The following SLCO3A1 variants were observed in gnomAD, a reference collection of about 807,000 sequenced individuals.
SLCO3A1 encodes PGE1 transporter.
Under a neutral mutation model 63.1 loss-of-function variants are expected in SLCO3A1, and 27 were observed. The observed-to-expected ratio is 0.43, with a 90% confidence interval of 0.32 to 0.59. The LOEUF (loss-of-function observed/expected upper bound fraction) is 0.59, where lower values mean the gene tolerates loss of function less well. Among genes scored for constraint, SLCO3A1 ranks in the 20% least tolerant of loss-of-function variants. The pLI, the probability that SLCO3A1 is intolerant of heterozygous loss-of-function variation, is 0.09. For synonymous variants in SLCO3A1, 473 were observed against 409.9 expected, an observed-to-expected ratio of 1.15 and a Z score of -1.86; for missense variants, 773 against 945.8, an observed-to-expected ratio of 0.82 and a Z score of 2.40.
intron 4 of SLCO3A1, among the ~76,000 whole-genome samples, chr15:92,115,919 T>C (rs1427935281): frequency 6.6e-6 from 1 of 151,850 alleles, no homozygotes; most frequent in East Asian, 1.9e-4. Flanking sequence ...TTATTGCTAT[T>C]ACTATCATTA....
intron 1 of SLCO3A1, among the ~76,000 whole-genome samples, chr15:91,888,149 G>T (rs978095654): frequency 6.6e-6 from 1 of 152,138 alleles, no homozygotes; most frequent in Non-Finnish European, 1.5e-5. Context: ...AATACTCCCC[G>T]CCCTCTCACT....
chr15:91,906,324 A>G (rs956035531), intron 1 of SLCO3A1, among the ~76,000 whole-genome samples: 1 of 152,142 alleles, frequency 6.6e-6, no homozygotes, highest in African/African-American at 2.4e-5. Flanking sequence ...ATTCCGGTAG[A>G]GAGAAACTTT....
intron 2 of SLCO3A1, among the ~76,000 whole-genome samples, chr15:92,042,521 G>A (rs1461135566): frequency 3.3e-5 from 5 of 152,078 alleles, no homozygotes; most frequent in Admixed American, 1.3e-4. Flanking sequence ...GCCCTACACC[G>A]GGCACTGGGA....
chr15:92,086,055 A>G (rs1428772261), intron 2 of SLCO3A1, among the ~76,000 whole-genome samples: 1 of 152,164 alleles, frequency 6.6e-6, no homozygotes, highest in East Asian at 1.9e-4. Context: ...GATAGTTTCC[A>G]GTTGGGAAAT....
intron 2 of SLCO3A1, among the ~76,000 whole-genome samples, chr15:92,069,097 C>A (rs4628941): frequency 8.0e-4 from 2 of 2,486 alleles, no homozygotes; most frequent in African/African-American, 2.0e-3. Context: ...GCTCCCCCCG[C>A]CCCCCCCCCG....
chr15:92,036,844 T>C (rs2046733950), intron 2 of SLCO3A1, among the ~76,000 whole-genome samples: 1 of 152,200 alleles, frequency 6.6e-6, no homozygotes, highest in Admixed American at 6.5e-5. Flanking sequence ...ATGTGACCTC[T>C]GTGAAGACAA....
rs147358832 is a variant in SLCO3A1, at chr15:91,982,608, C to T, written c.646+66150C>T. On this transcript the variant is annotated intron_variant, in intron 2 of 9. Transcript: ENST00000318445. ...GGCTTGAAGTTCTGTGCCCTTGCCA[C>T]GGGCTCCCTCTATAGAGTTTCTGAG... 6.9e-4 allele frequency among the ~76,000 whole-genome samples: 105 copies of T among 152,334 alleles called. No individual in the cohort carries two copies. The Middle Eastern group carries it at 0.01, about 15-fold the overall frequency.
rs1277142630 is a variant in SLCO3A1, at chr15:91,954,229, A to T, written c.646+37771A>T. ...GGGGTTTCTGAACCACGCACTGAGA[A>T]TTCCATTGGATTAGAAGCTGTGCGG... On this transcript the variant is annotated intron_variant, in intron 2 of 9. Transcript: ENST00000318445. This position sits in a 1 kb window ranked among gnomAD's most constrained non-coding sequence, Gnocchi z 4.7. Among the ~76,000 whole-genome samples, 1 of 152,156 alleles carries T rather than the reference A, an allele frequency of 6.6e-6. No individual in the cohort carries two copies. The highest frequency in any genetic ancestry group is 1.9e-4 in the East Asian group (1 of 5,182).
chr15:91,902,307 C>A (rs1362602649), intron 1 of SLCO3A1, among the ~76,000 whole-genome samples: 1 of 152,008 alleles, frequency 6.6e-6, no homozygotes, highest in Non-Finnish European at 1.5e-5. Flanking sequence ...AGTGATTCTC[C>A]CACCCCAGCC....
At position 91,855,630 on chromosome 15, in the gene SLCO3A1, G is replaced by A. The variant is rs550316906; in HGVS notation, c.180+1542G>A. 2.6e-5 allele frequency among the ~76,000 whole-genome samples: 4 copies of A among 152,238 alleles called. No individual in the cohort carries two copies. The South Asian group carries it at 8.3e-4, about 32-fold the overall frequency. On this transcript the variant is annotated intron_variant, in intron 1 of 9. Transcript: ENST00000318445. ...ACCTATTAGCCCTTGGAATTTGAGGGATAGGGGATAATTGTGTTTTGGGAG... is the reference window on the plus strand; with the variant it reads ...ACCTATTAGCCCTTGGAATTTGAGGAATAGGGGATAATTGTGTTTTGGGAG...
chr15:92,065,523 A>T (rs1297904255), intron 2 of SLCO3A1, among the ~76,000 whole-genome samples: 2 of 152,186 alleles, frequency 1.3e-5, no homozygotes, highest in Non-Finnish European at 2.9e-5. Context: ...ATGAATGGAG[A>T]CAAACTGGAG....
intron 2 of SLCO3A1, among the ~76,000 whole-genome samples, chr15:92,009,385 G>A (rs183855354): frequency 2.0e-5 from 3 of 152,308 alleles, no homozygotes; most frequent in African/African-American, 4.8e-5. Context: ...AGCCTGGTTA[G>A]GTGACTCAGG....
In SLCO3A1 at chr15:92,115,341, C is replaced by G. The variant is rs79693102; in HGVS notation, c.1010-5124C>G. Among the ~76,000 whole-genome samples, 1,241 of 152,048 alleles carry G rather than the reference C, an allele frequency of 8.2e-3. 20 individuals are homozygous for G. Among genetic ancestry groups the G allele is most frequent in the African/African-American group, 0.028 (1,181 of 41,472 alleles). On this transcript the variant is annotated intron_variant, in intron 4 of 9. Transcript: ENST00000318445. ...CATGGCTATGGCTGCCCCACTTCAC[C>G]TTCTTTCCCTTCTCTGCTAGCTCAC... is the stretch of plus-strand genomic sequence containing the variant.
intron 2 of SLCO3A1, among the ~76,000 whole-genome samples, chr15:92,053,527 T>C (rs12708590): frequency 0.76 from 116,205 of 151,952 alleles, 44,787 homozygotes; most frequent in Admixed American, 0.87. Flanking sequence ...ATCCGGGACA[T>C]CGCATTACAT....
intron 2 of SLCO3A1, among the ~76,000 whole-genome samples, chr15:92,009,357 G>A (rs2046345626): frequency 6.6e-6 from 1 of 152,158 alleles, no homozygotes; most frequent in African/African-American, 2.4e-5. Context: ...TCACATCTCT[G>A]TCATTCTGTC....
chr15:91,932,001 G>A (rs535864698), intron 2 of SLCO3A1, among the ~76,000 whole-genome samples: 4 of 152,202 alleles, frequency 2.6e-5, no homozygotes, highest in Non-Finnish European at 5.9e-5. Flanking sequence ...GTAGTCTGCA[G>A]TGGTGACTGT....
Position 92,123,837 on chromosome 15 carries a change from C to CA in SLCO3A1, c.1175-2221dup, listed in dbSNP as rs2047891037. Among the ~76,000 whole-genome samples, 7 of 152,310 alleles carry CA rather than the reference C, an allele frequency of 4.6e-5. No homozygotes were observed. In the South Asian group the frequency reaches 1.5e-3, roughly 32 times the overall value. The stretch of plus-strand genomic sequence containing the variant: ...GATGCCTACATCTTCTATCGACAAA[C>CA]AAATCAATAGTCTTCAGGGCAGAAG... On this transcript the variant is annotated intron_variant, in intron 5 of 9. Coordinates refer to ENST00000318445, the MANE Select transcript of SLCO3A1 (RefSeq NM_013272.4).
intron 2 of SLCO3A1, among the ~76,000 whole-genome samples, chr15:92,034,050 G>A (rs940914660): frequency 6.8e-6 from 1 of 146,802 alleles, no homozygotes; most frequent in Non-Finnish European, 1.6e-5. Flanking sequence ...AGAAGGACCT[G>A]GGAAGCCATT....
In SLCO3A1 at chr15:92,036,434, T is replaced by C. The variant is rs184395070; in HGVS notation, c.647-58447T>C. 3.3e-3 allele frequency among the ~76,000 whole-genome samples: 501 copies of C among 151,236 alleles called. 2 individuals carry two copies. The highest frequency in any genetic ancestry group is 6.0e-3 in the Non-Finnish European group (404 of 67,874). ...ACTGAAAATTCCACTTCGCCAAGAA[T>C]TAAGGGACTCTAGCTCCTGGGAGCT... On this transcript the variant is annotated intron_variant, in intron 2 of 9. Transcript: ENST00000318445.
Sources: allele counts gnomAD v4.1 joint callset (sites outside exome capture counted in the v4.1 genomes callset), GRCh38; gene constraint gnomAD v4.1.1; non-coding constraint Gnocchi (gnomAD v3.1); transcripts MANE v1.5; gene names NCBI Gene and HGNC (gene_info 2026-07-23, HGNC 2026-07-21).